SYT1: variants seen among roughly 807,000 people sequenced by gnomAD.
SYT1 encodes synaptotagmin-1.
A neutral mutation model predicts 44.8 loss-of-function variants in SYT1; 8 were observed. The ratio of observed to expected loss-of-function variants is 0.18; its 90% confidence interval spans 0.10 to 0.32. The LOEUF (loss-of-function observed/expected upper bound fraction) is 0.32, where lower values mean the gene tolerates loss of function less well. SYT1 is among the 10% of genes least tolerant of loss of function. SYT1 has a pLI of 1.00. For missense variants in SYT1, 286 were observed against 509.3 expected (o/e 0.56, Z 4.22); for synonymous variants, 154 against 188.8 (o/e 0.82, Z 1.51).
chr12:79,028,231 T>C (rs1054462299), intron 2 of SYT1, among the ~76,000 whole-genome samples: 13 of 151,474 alleles, frequency 8.6e-5, no homozygotes, highest in Admixed American at 7.3e-4. Context: ...TTTTGTGTTC[T>C]ACTAACCCTG....
At chr12:78,980,641 G>A (rs1377682529) in intron 2 of SYT1, among the ~76,000 whole-genome samples, 2 of 152,032 alleles carry the variant, frequency 1.3e-5, no homozygotes, top group Non-Finnish European at 2.9e-5. Flanking sequence ...TTCATGCCCA[G>A]ATTCAATTTT....
At chr12:78,929,153 A>G (rs1824677) in intron 1 of SYT1, among the ~76,000 whole-genome samples, 13,612 of 151,706 alleles carry the variant, frequency 0.09, 708 homozygotes, top group East Asian at 0.18. Context: ...TGTAATCTCA[A>G]CACTTTGGGA....
chr12:79,076,391 A>G (rs1876650454), intron 3 of SYT1, among the ~76,000 whole-genome samples: 1 of 152,144 alleles, frequency 6.6e-6, no homozygotes. Flanking sequence ...GCGTGTTCTG[A>G]ACTCCATATT....
At position 78,903,554 on chromosome 12, in the gene SYT1, G is replaced by T. The variant is rs1296977858; in HGVS notation, c.-217+38445G>T. On this transcript the variant is annotated intron_variant, in intron 1 of 10. Coordinates refer to ENST00000261205, the MANE Select transcript of SYT1 (RefSeq NM_005639.3). ...CCCGCCTCGGCCTCCCAAAGTGCTGGGATTACAGGCGTGACCCACCGCACC... is the reference window on the plus strand; with the variant it reads ...CCCGCCTCGGCCTCCCAAAGTGCTGTGATTACAGGCGTGACCCACCGCACC... 2.0e-5 allele frequency among the ~76,000 whole-genome samples: 3 copies of T among 151,870 alleles called. No homozygotes were observed. In the East Asian group the frequency reaches 5.8e-4, roughly 29 times the overall value.
intron 9 of SYT1, among the ~76,000 whole-genome samples, chr12:79,424,953 C>CTTTTTTTTTTTTTTTTT (rs398040025): frequency 2.3e-5 from 2 of 85,248 alleles, no homozygotes; most frequent in African/African-American, 4.6e-5. Context: ...TTTTCTTCTT[C>CTTTTTTTTTTTTTTTTT]TTTTTTTTTT....
At chr12:79,045,010 A>AC (rs1204923347) in intron 2 of SYT1, among the ~76,000 whole-genome samples, 1 of 152,148 alleles carries the variant, frequency 6.6e-6, no homozygotes, top group Admixed American at 6.5e-5. Context: ...TGGGAGAACC[A>AC]CTGCTCTCTT....
At chr12:79,162,150 T>G (rs1314620606) in intron 3 of SYT1, among the ~76,000 whole-genome samples, 5 of 152,246 alleles carry the variant, frequency 3.3e-5, no homozygotes, top group African/African-American at 1.2e-4. Context: ...CAGTTTTGTG[T>G]ACAATAAGGA....
intron 1 of SYT1, among the ~76,000 whole-genome samples, chr12:78,877,547 T>C (rs1050267078): frequency 6.6e-6 from 1 of 151,808 alleles, no homozygotes; most frequent in Non-Finnish European, 1.5e-5. Context: ...TAGCAAAAGT[T>C]CTATGAAATA....
chr12:79,044,143 C>G (rs1377939277), intron 2 of SYT1, among the ~76,000 whole-genome samples: 1 of 151,934 alleles, frequency 6.6e-6, no homozygotes, highest in Non-Finnish European at 1.5e-5. Flanking sequence ...TTGTGGCATT[C>G]TCTGTATTTC....
intron 3 of SYT1, among the ~76,000 whole-genome samples, chr12:79,138,162 T>A (rs1341603843): frequency 1.3e-5 from 2 of 152,174 alleles, no homozygotes; most frequent in Non-Finnish European, 2.9e-5. Flanking sequence ...TCTGAAGCTG[T>A]CTGACATTTA....
At chr12:79,403,110 T>A (rs888554256) in intron 9 of SYT1, among the ~76,000 whole-genome samples, 1 of 152,204 alleles carries the variant, frequency 6.6e-6, no homozygotes, top group African/African-American at 2.4e-5. Context: ...AAGCCAAACT[T>A]ACTAAGTTAG....
At chr12:78,994,770 C>T (rs900222673) in intron 2 of SYT1, among the ~76,000 whole-genome samples, 6 of 151,946 alleles carry the variant, frequency 3.9e-5, no homozygotes, top group East Asian at 1.9e-4. Context: ...CTCCTGACCT[C>T]GTGATCCACC....
chr12:79,172,878 T>G (rs1027376390), intron 3 of SYT1, among the ~76,000 whole-genome samples: 3 of 147,604 alleles, frequency 2.0e-5, no homozygotes, highest in Non-Finnish European at 4.5e-5. Flanking sequence ...AAACTCTAGA[T>G]GCCTTTCTCA....
At chr12:78,947,299 A>C (rs992518867) in intron 1 of SYT1, among the ~76,000 whole-genome samples, 5 of 152,150 alleles carry the variant, frequency 3.3e-5, no homozygotes, top group African/African-American at 1.2e-4. Context: ...TTTACATTGA[A>C]AATTTTTCAC....
intron 3 of SYT1, among the ~76,000 whole-genome samples, chr12:79,123,309 ATGTGTGTGTGTGTGTGTGTG>A (rs66869713): frequency 2.8e-5 from 4 of 141,542 alleles, no homozygotes; most frequent in African/African-American, 5.2e-5. Flanking sequence ...TAAAAATGCA[ATGTGTGTGTGTGTGTGTGTG>A]TGTGTGTGTG....
At position 79,147,721 on chromosome 12, in the gene SYT1, G is replaced by A. The variant is rs563344857; in HGVS notation, c.-17-69782G>A. Among the ~76,000 whole-genome samples, 282 of 152,234 alleles carry A rather than the reference G, an allele frequency of 1.9e-3. 3 individuals carry two copies. Among genetic ancestry groups the A allele is most frequent in the African/African-American group, 6.5e-3 (270 of 41,556 alleles). On this transcript the variant is annotated intron_variant, in intron 3 of 10. Transcript: ENST00000261205. ...ATATGTCAACTGACACAAAGGAACT[G>A]TTATACCTAATGAGTTCATAAAAGT...
At chr12:79,018,940 G>T (rs569057472) in intron 2 of SYT1, among the ~76,000 whole-genome samples, 17 of 149,284 alleles carry the variant, frequency 1.1e-4, no homozygotes, top group Non-Finnish European at 2.1e-4. Context: ...AAAATTAAAT[G>T]AAATAGTATA....
In SYT1 at chr12:78,989,817, C is replaced by T. The variant is rs138317861; in HGVS notation, c.-84+11886C>T. Among the ~76,000 whole-genome samples the T allele has an allele frequency of 1.4e-3, 211 of 152,162 alleles. 2 individuals carry two copies. The highest frequency in any genetic ancestry group is 4.9e-3 in the African/African-American group (202 of 41,522). ...AACTAGGACATGTTGGGAAGGTAAC[C>T]TTCCATGTCTGCTACAGGAGACATT... On this transcript the variant is annotated intron_variant, in intron 2 of 10. Coordinates refer to ENST00000261205, the MANE Select transcript of SYT1 (RefSeq NM_005639.3).
intron 9 of SYT1, among the ~76,000 whole-genome samples, chr12:79,358,696 C>T (rs1883204337): frequency 1.3e-5 from 2 of 152,094 alleles, no homozygotes; most frequent in African/African-American, 2.4e-5. Context: ...TTGCCCACAC[C>T]CCTACCTTCA....
Sources: allele counts gnomAD v4.1 joint callset (sites outside exome capture counted in the v4.1 genomes callset), GRCh38; gene constraint gnomAD v4.1.1; transcripts MANE v1.5; gene names NCBI Gene and HGNC (gene_info 2026-07-23, HGNC 2026-07-21).